The following BAZ2B variants were observed in gnomAD, a reference collection of about 807,000 sequenced individuals.
BAZ2B encodes the protein bromodomain adjacent to zinc finger domain 2B, also known as bromodomain adjacent to zinc finger domain protein 2B.
Under a neutral mutation model 246.0 loss-of-function variants are expected in BAZ2B, and 91 were observed. The ratio of observed to expected loss-of-function variants is 0.37; its 90% confidence interval spans 0.31 to 0.44. The LOEUF (loss-of-function observed/expected upper bound fraction) is 0.44, where lower values mean the gene tolerates loss of function less well. Among genes scored for constraint, BAZ2B ranks in the 20% least tolerant of loss-of-function variants. The probability of loss-of-function intolerance (pLI) is 1.00; values close to 1 mark genes in which losing one functional copy is unlikely to be tolerated. For synonymous variants in BAZ2B, 855 were observed against 860.0 expected (o/e 0.99, Z 0.10); for missense variants, 2,332 against 2,533.7 (o/e 0.92, Z 1.71).
chr2:159,432,891 T>C lies in BAZ2B; in HGVS notation c.1766A>G (p.Glu589Gly). The C allele has an allele frequency of 6.2e-7, 1 of 1,614,196 alleles. No individual in the cohort carries two copies. The highest frequency in any genetic ancestry group is 8.5e-7 in the Non-Finnish European group (1 of 1,180,022). The change falls in exon 9 of 37, where the codon GAA (glutamate) becomes GGA (glycine). Residue 589 changes from glutamate (E) to glycine (G), a missense_variant. By Grantham distance (98) the Glu-to-Gly change is moderately conservative. This residue lies in a region of BAZ2B where 651 missense variants were observed against 650.9 expected (regional missense o/e 1.00). Coordinates refer to ENST00000392783, the MANE Select transcript of BAZ2B (RefSeq NM_013450.4). The stretch of plus-strand genomic sequence containing the variant: ...GTCTGAATCTGTTCCTCTGAATTGT[T>C]CCACTAAAGATTTTGCAGGATGGGA... ...HHSHPAKSLVEQFRGTDSDIP... is the reference protein window; with the variant it reads ...HHSHPAKSLVGQFRGTDSDIP...
intron 27 of BAZ2B, among the ~76,000 whole-genome samples, chr2:159,357,202 C>G (rs937600292): frequency 6.6e-5 from 10 of 151,836 alleles, no homozygotes; most frequent in Non-Finnish European, 1.3e-4. Context: ...ATGTTCTAAC[C>G]CAATGCGATG....
chr2:159,696,716 A>G, the BAZ2B span, among the ~76,000 whole-genome samples: 4 of 152,200 alleles, frequency 2.6e-5, no homozygotes, highest in African/African-American at 9.7e-5. Flanking sequence ...TTCTACTTAC[A>G]GATAATTTGA....
chr2:159,342,873 C>G (rs1254482066), intron 31 of BAZ2B, among the ~76,000 whole-genome samples: 1 of 152,146 alleles, frequency 6.6e-6, no homozygotes, highest in Non-Finnish European at 1.5e-5. Flanking sequence ...AACACAATCC[C>G]TATCAAAACA....
intron 3 of BAZ2B, among the ~76,000 whole-genome samples, chr2:159,466,073 A>G (rs1277280382): frequency 2.0e-5 from 3 of 152,212 alleles, no homozygotes; most frequent in Non-Finnish European, 4.4e-5. Context: ...GAGCAGGCCT[A>G]TCTCATTCCC....
upstream of BAZ2B, among the ~76,000 whole-genome samples, chr2:159,620,944 G>C (rs1696408109): frequency 6.6e-6 from 1 of 152,140 alleles, no homozygotes; most frequent in Non-Finnish European, 1.5e-5. Context: ...TTAAGAGATT[G>C]CTTAACAGTC....
chr2:159,629,441 T>C, the BAZ2B span, among the ~76,000 whole-genome samples: 1 of 152,254 alleles, frequency 6.6e-6, no homozygotes, highest in South Asian at 2.1e-4. Context: ...CCATCAATGA[T>C]AGACTGGATA....
At chr2:159,499,597 A>T (rs2081499766) in intron 2 of BAZ2B, among the ~76,000 whole-genome samples, 1 of 152,248 alleles carries the variant, frequency 6.6e-6, no homozygotes, top group African/African-American at 2.4e-5. Context: ...AGGAATCGCC[A>T]TACTGTCTTC....
the BAZ2B span, among the ~76,000 whole-genome samples, chr2:159,708,218 T>C: frequency 6.6e-6 from 1 of 151,770 alleles, no homozygotes; most frequent in Non-Finnish European, 1.5e-5. Flanking sequence ...AGCTTTAGCC[T>C]AGAAGCTTGA....
chr2:159,485,051 A>C (rs1301889774), intron 2 of BAZ2B, among the ~76,000 whole-genome samples: 2 of 152,190 alleles, frequency 1.3e-5, no homozygotes, highest in Non-Finnish European at 2.9e-5. Context: ...ATTAGGAAGA[A>C]TATCAGGAGG....
intron 13 of BAZ2B, among the ~76,000 whole-genome samples, chr2:159,418,107 T>TA (rs1461720747): frequency 6.6e-6 from 1 of 152,166 alleles, no homozygotes; most frequent in Non-Finnish European, 1.5e-5. Context: ...AAAAGGGAAT[T>TA]AAGTGGCAAT....
At chr2:159,396,151 A>ACCCCGTCTC in intron 19 of BAZ2B, 1 of 193,902 alleles carries the variant, frequency 5.2e-6, no homozygotes, top group Non-Finnish European at 1.0e-5. Context: ...AACAAAAAGC[A>ACCCCGTCTC]TAATGGTTGG....
chr2:159,565,586 G>A (rs1013561237), intron 1 of BAZ2B, among the ~76,000 whole-genome samples: 2 of 152,158 alleles, frequency 1.3e-5, no homozygotes, highest in African/African-American at 4.8e-5. Flanking sequence ...AGACCAGCCT[G>A]ACTAATATGG....
chr2:159,520,289 A>C (rs1185623815), intron 2 of BAZ2B, among the ~76,000 whole-genome samples: 1 of 152,014 alleles, frequency 6.6e-6, no homozygotes, highest in African/African-American at 2.4e-5. Flanking sequence ...AAGATCCTAA[A>C]TTTATGTCCT....
At chr2:159,382,196 A>C (rs1449433718) in intron 25 of BAZ2B, among the ~76,000 whole-genome samples, 2 of 152,206 alleles carry the variant, frequency 1.3e-5, no homozygotes, top group African/African-American at 4.8e-5. Context: ...TAAACCTGAC[A>C]ACACTTTTAA....
intron 6 of BAZ2B, among the ~76,000 whole-genome samples, 189 bp downstream of exon 6, chr2:159,446,593 C>G (rs2074283964): frequency 6.6e-6 from 1 of 152,140 alleles, no homozygotes; most frequent in African/African-American, 2.4e-5. Flanking sequence ...AGTGAATTCT[C>G]AATACATTTT....
At chr2:159,441,028 T>C (rs547503955) in intron 6 of BAZ2B, among the ~76,000 whole-genome samples, 71 of 152,142 alleles carry the variant, frequency 4.7e-4, no homozygotes, top group Admixed American at 2.7e-3. Flanking sequence ...AATAATATAT[T>C]AATATTAAGA....
At chr2:159,674,381 G>GAAGAA in the BAZ2B span, among the ~76,000 whole-genome samples, 28 of 138,988 alleles carry the variant, frequency 2.0e-4, no homozygotes, top group South Asian at 2.3e-4. Context: ...GAAGGGAAGG[G>GAAGAA]AAGAAAAGAA....
At chr2:159,633,768 T>C in the BAZ2B span, among the ~76,000 whole-genome samples, 9,123 of 142,106 alleles carry the variant, frequency 0.064, 396 homozygotes, top group Middle Eastern at 0.14. Flanking sequence ...TAAGATAGAG[T>C]CTCACTCCGT....
At chr2:159,627,776 T>C in the BAZ2B span, among the ~76,000 whole-genome samples, 1 of 152,150 alleles carries the variant, frequency 6.6e-6, no homozygotes, top group Non-Finnish European at 1.5e-5. Context: ...GGATGCCCTC[T>C]CTCACCTCTC....
Sources: allele counts gnomAD v4.1 joint callset (sites outside exome capture counted in the v4.1 genomes callset), GRCh38; gene constraint gnomAD v4.1.1; regional missense constraint gnomAD v4.1.1; transcripts MANE v1.5; gene names NCBI Gene and HGNC (gene_info 2026-07-23, HGNC 2026-07-21).